The following ROBO2 variants were observed in gnomAD, a reference collection of about 807,000 sequenced individuals.
The protein encoded by ROBO2 is roundabout homolog 2.
A neutral mutation model predicts 160.8 loss-of-function variants in ROBO2; 53 were observed. The observed-to-expected ratio is 0.33, with a 90% CI of 0.26 to 0.41. The LOEUF is 0.41. ROBO2 is among the 10% of genes least tolerant of loss of function. ROBO2 has a pLI of 1.00. For synonymous variants in ROBO2, 664 were observed against 611.7 expected (o/e 1.09, Z -1.26); for missense variants, 1,577 against 1,722.4 (o/e 0.92, Z 1.49).
At chr3:75,937,463 AC>A in intron 1 of ROBO2, 1 of 1,377,316 alleles carries the variant, frequency 7.3e-7, no homozygotes, top group South Asian at 1.4e-5. Context: ...TTTCACATCC[AC>A]CCCACTCAAT....
At position 77,588,732 on chromosome 3, in the gene ROBO2, A is replaced by G. The variant is rs752335155; in HGVS notation, c.2501-19A>G. The G allele has an allele frequency of 9.3e-6, 15 of 1,608,000 alleles. No individual in the cohort carries two copies. The highest frequency in any genetic ancestry group is 2.2e-5 in the East Asian group (1 of 44,718). On this transcript the variant is annotated intron_variant, in intron 16 of 25. Coordinates refer to ENST00000461745, the Ensembl canonical transcript of ROBO2. ...TATTTTCGTTTTAATATATACTAAT[A>G]CTATGGTTTTTTCCATAGGGAGACG...
chr3:76,877,042 A>G (rs1160496273), intron 2 of ROBO2, among the ~76,000 whole-genome samples: 1 of 152,184 alleles, frequency 6.6e-6, no homozygotes, highest in East Asian at 1.9e-4. Context: ...GTAAAAGGAT[A>G]TTTTACATTT....
intron 1 of ROBO2, among the ~76,000 whole-genome samples, chr3:75,909,163 A>G (rs1384034765): frequency 6.6e-6 from 1 of 152,242 alleles, no homozygotes; most frequent in Non-Finnish European, 1.5e-5. Context: ...TGACACAAAT[A>G]GGCTTCTTCA....
chr3:77,053,959 G>A (rs1266366054), intron 1 of ROBO2, among the ~76,000 whole-genome samples: 1 of 152,206 alleles, frequency 6.6e-6, no homozygotes, highest in East Asian at 1.9e-4. Flanking sequence ...CATTTAGGGA[G>A]TATTGCATCA....
Position 76,781,346 on chromosome 3 carries a change from A to T in ROBO2, c.110-316668A>T, listed in dbSNP as rs528068626. ...GGTTTTCTATATATAAGATCAGGTTATATGCAGAAAGAGACAATTCTACTT... is the reference window on the plus strand; with the variant it reads ...GGTTTTCTATATATAAGATCAGGTTTTATGCAGAAAGAGACAATTCTACTT... On this transcript the variant is annotated intron_variant, in intron 2 of 26. Coordinates refer to the ROBO2 transcript ENST00000487694. Among the ~76,000 whole-genome samples, 4 of 150,826 alleles carry T rather than the reference A, an allele frequency of 2.7e-5. No individual in the cohort carries two copies. The East Asian group carries it at 7.8e-4, about 29-fold the overall frequency.
intron 2 of ROBO2, among the ~76,000 whole-genome samples, chr3:76,898,751 T>C (rs2075004841): frequency 6.6e-6 from 1 of 152,234 alleles, no homozygotes; most frequent in South Asian, 2.1e-4. Flanking sequence ...TATGGCGGTG[T>C]GAAGAATCAT....
At chr3:76,403,170 A>G (rs1253209446) in intron 2 of ROBO2, among the ~76,000 whole-genome samples, 3 of 151,566 alleles carry the variant, frequency 2.0e-5, no homozygotes, top group Admixed American at 6.6e-5. Flanking sequence ...ATCACAGGCA[A>G]TGAGATTTTG....
intron 2 of ROBO2, among the ~76,000 whole-genome samples, chr3:76,240,717 C>A (rs1705234112): frequency 6.6e-6 from 1 of 151,978 alleles, no homozygotes; most frequent in South Asian, 2.1e-4. Context: ...TCATCTAAAT[C>A]ACCAATAGAT....
At chr3:77,403,310 A>G (rs2075973169) in intron 2 of ROBO2, among the ~76,000 whole-genome samples, 2 of 152,104 alleles carry the variant, frequency 1.3e-5, no homozygotes, top group African/African-American at 4.8e-5. Flanking sequence ...CCATCTATTG[A>G]ACTTATTCTT....
At chr3:77,413,331 G>A (rs1424184304) in intron 2 of ROBO2, among the ~76,000 whole-genome samples, 5 of 152,058 alleles carry the variant, frequency 3.3e-5, no homozygotes, top group Non-Finnish European at 5.9e-5. Flanking sequence ...TTAAATTTAC[G>A]AAAAGCGAGG....
intron 2 of ROBO2, among the ~76,000 whole-genome samples, chr3:76,263,177 T>C (rs750471729): frequency 6.6e-6 from 1 of 152,072 alleles, no homozygotes; most frequent in Non-Finnish European, 1.5e-5. Context: ...TCTTTCTAAA[T>C]AAATTTCACA....
chr3:77,463,619 T>TGCCC lies in ROBO2; in HGVS notation c.389-13794_389-13791dup, dbSNP rs764009946. ...TTCTTGAGACAGAGTATCACTCTGT[T>TGCCC]GCCCAGACTGGAGTGCAGTGGTGCA... is the stretch of plus-strand genomic sequence containing the variant. On this transcript the variant is annotated intron_variant, in intron 2 of 25. Coordinates refer to ENST00000461745, the Ensembl canonical transcript of ROBO2. 8.5e-5 allele frequency among the ~76,000 whole-genome samples: 13 copies of TGCCC among 152,048 alleles called. 1 individual carries two copies. The highest frequency in any genetic ancestry group is 1.5e-5 in the Non-Finnish European group (1 of 68,002).
At chr3:76,936,140 T>C (rs6763950) in intron 2 of ROBO2, among the ~76,000 whole-genome samples, 67,670 of 151,730 alleles carry the variant, frequency 0.45, 15,374 homozygotes, top group African/African-American at 0.53. Flanking sequence ...ATTATGTTCA[T>C]ATGGAAAGAA....
chr3:76,576,117 T>C (rs2085273061), intron 2 of ROBO2, among the ~76,000 whole-genome samples: 1 of 152,136 alleles, frequency 6.6e-6, no homozygotes, highest in Non-Finnish European at 1.5e-5. Flanking sequence ...ATTCCATGTT[T>C]GGCATATGTT....
chr3:77,591,328 T>C (rs2094175152), intron 17 of ROBO2, among the ~76,000 whole-genome samples: 1 of 152,012 alleles, frequency 6.6e-6, no homozygotes, highest in African/African-American at 2.4e-5. Context: ...CTATTTGGAG[T>C]AGGAAAATGT....
At chr3:77,407,524 A>G (rs143767447) in intron 2 of ROBO2, among the ~76,000 whole-genome samples, 306 of 152,314 alleles carry the variant, frequency 2.0e-3, no homozygotes, top group African/African-American at 7.1e-3. Flanking sequence ...GGAAATTCAA[A>G]AGAAAAATTA....
intron 2 of ROBO2, among the ~76,000 whole-genome samples, chr3:76,024,761 T>A (rs898906454): frequency 1.3e-5 from 2 of 151,646 alleles, no homozygotes; most frequent in African/African-American, 4.8e-5. Context: ...TGGAAATGTA[T>A]GTCTGAACTA....
intron 2 of ROBO2, among the ~76,000 whole-genome samples, chr3:76,041,687 A>T (rs939362232): frequency 6.6e-6 from 1 of 151,968 alleles, no homozygotes; most frequent in East Asian, 1.9e-4. Flanking sequence ...TATCATAAGT[A>T]TTGGCATTTG....
At chr3:76,954,251 T>A (rs1319522699) in intron 2 of ROBO2, among the ~76,000 whole-genome samples, 1 of 152,152 alleles carries the variant, frequency 6.6e-6, no homozygotes, top group Non-Finnish European at 1.5e-5. Context: ...TATTTAGATG[T>A]CCCAATAGGT....
Sources: gnomAD v4.1 joint callset for allele counts (sites outside exome capture counted in the v4.1 genomes callset) on GRCh38, gnomAD v4.1.1 for gene constraint, MANE v1.5 for transcripts, NCBI Gene and HGNC (gene_info 2026-07-23, HGNC 2026-07-21) for gene names.